The following TLN2 variants were observed in gnomAD, a reference collection of about 807,000 sequenced individuals.
The protein encoded by TLN2 is talin-2.
Under a neutral mutation model 294.7 loss-of-function variants are expected in TLN2, and 118 were observed. The observed-to-expected ratio is 0.40, with a 90% CI of 0.34 to 0.47. The LOEUF is 0.47. Ranked by LOEUF, TLN2 falls within the 20% of genes least tolerant of loss-of-function variation. The probability of loss-of-function intolerance (pLI) is 0.84; values close to 1 mark genes in which losing one functional copy is unlikely to be tolerated. For missense variants in TLN2, 3,083 were observed against 3,282.2 expected (o/e 0.94, Z 1.48); for synonymous variants, 1,431 against 1,304.5 (o/e 1.10, Z -2.09).
chr15:62,703,646 C>CAG (rs1567403721), intron 19 of TLN2, among the ~76,000 whole-genome samples: 3 of 144,884 alleles, frequency 2.1e-5, no homozygotes, highest in African/African-American at 7.7e-5. Flanking sequence ...CACACACACA[C>CAG]ACACAGAGAA....
chr15:62,486,833 A>G (rs1437369542), intron 1 of TLN2, among the ~76,000 whole-genome samples: 6 of 146,868 alleles, frequency 4.1e-5, no homozygotes, highest in Non-Finnish European at 9.0e-5. Flanking sequence ...TTTAATGTAT[A>G]TTGGATTTTC....
chr15:62,402,400 C>A (rs1027156115), intron 1 of TLN2, among the ~76,000 whole-genome samples: 1 of 152,198 alleles, frequency 6.6e-6, no homozygotes, highest in East Asian at 1.9e-4. Context: ...ACCTAGCTTT[C>A]ACCTACAAGG....
Position 62,465,648 on chromosome 15 carries a change from C to T in TLN2, c.-238+74963C>T, listed in dbSNP as rs563272783. 2.6e-5 allele frequency among the ~76,000 whole-genome samples: 4 copies of T among 152,294 alleles called. No individual in the cohort carries two copies. In the South Asian group the frequency reaches 8.3e-4, roughly 32 times the overall value. On this transcript the variant is annotated intron_variant, in intron 1 of 58. Coordinates refer to ENST00000636159, the MANE Select transcript of TLN2 (RefSeq NM_015059.3). ...CAAGGTGGTAGCACATTTTCTCTATCCATGAAACAATGGCTTTAATACTAA... is the reference window on the plus strand; with the variant it reads ...CAAGGTGGTAGCACATTTTCTCTATTCATGAAACAATGGCTTTAATACTAA...
At chr15:62,561,596 T>C (rs895613183) in intron 1 of TLN2, 1 of 152,240 alleles carries the variant, frequency 6.6e-6, no homozygotes, top group African/African-American at 2.4e-5. Flanking sequence ...CCAGTCACAA[T>C]TGCGAACATT....
At position 62,674,037 on chromosome 15, in the gene TLN2, G is replaced by A. The variant is rs1366011417; in HGVS notation, c.852+147G>A. The A allele has an allele frequency of 8.9e-6, 5 of 563,730 alleles. No individual in the cohort carries two copies. In the East Asian group the frequency reaches 1.5e-4, roughly 17 times the overall value. 34.9% of individuals were successfully genotyped at this position (563,730 alleles called of 1,614,324 possible). On this transcript the variant is annotated intron_variant, in intron 10 of 58. Transcript: ENST00000636159. Reference sequence around the variant, plus strand: ...TTAGTGACTCAAGAGTATAGAAGCTGACAGTCCTACTTTGGGCAGATTTAT... The same window carrying A: ...TTAGTGACTCAAGAGTATAGAAGCTAACAGTCCTACTTTGGGCAGATTTAT...
intron 22 of TLN2, among the ~76,000 whole-genome samples, chr15:62,713,627 T>C (rs1393043226): frequency 6.6e-6 from 1 of 152,110 alleles, no homozygotes; most frequent in East Asian, 1.9e-4. Context: ...TGCAGTGAGC[T>C]GAGATCGTGC....
At chr15:62,486,168 GA>G (rs1272787486) in intron 1 of TLN2, among the ~76,000 whole-genome samples, 1 of 152,138 alleles carries the variant, frequency 6.6e-6, no homozygotes, top group African/African-American at 2.4e-5. Flanking sequence ...AAATACTTTA[GA>G]AAGTCTTTCC....
intron 43 of TLN2, among the ~76,000 whole-genome samples, chr15:62,779,987 C>G (rs556128236): frequency 2.0e-5 from 3 of 152,304 alleles, no homozygotes; most frequent in East Asian, 3.9e-4. Flanking sequence ...CCACTTGGCC[C>G]CAATCTCATC....
chr15:62,805,534 A>G (rs113748208), intron 50 of TLN2, 66 bp from the exon 51 acceptor site: 2 of 1,470,594 alleles, frequency 1.4e-6, no homozygotes, highest in African/African-American at 1.4e-5. Flanking sequence ...GCCTGGTTGG[A>G]GAAGAATAAA....
chr15:62,404,820 C>G (rs1414261278), intron 1 of TLN2, among the ~76,000 whole-genome samples: 1 of 152,126 alleles, frequency 6.6e-6, no homozygotes, highest in Non-Finnish European at 1.5e-5. Context: ...CTCCTAGGCT[C>G]TCCCTGATGG....
At chr15:62,545,633 C>A (rs1596077460) in intron 1 of TLN2, among the ~76,000 whole-genome samples, 1 of 151,850 alleles carries the variant, frequency 6.6e-6, no homozygotes, top group Non-Finnish European at 1.5e-5. Context: ...TTTGCATATC[C>A]TTTTTATGCT....
chr15:62,496,891 A>G (rs1383213610), intron 1 of TLN2, among the ~76,000 whole-genome samples: 1 of 152,182 alleles, frequency 6.6e-6, no homozygotes, highest in Non-Finnish European at 1.5e-5. Context: ...TTCTGTAGGC[A>G]GATAGGAGTA....
intron 5 of TLN2, among the ~76,000 whole-genome samples, chr15:62,651,213 T>G (rs2052551068): frequency 6.6e-6 from 1 of 152,216 alleles, no homozygotes; most frequent in Non-Finnish European, 1.5e-5. Flanking sequence ...CAGATCATTC[T>G]CAGCCTTGCA....
intron 7 of TLN2, among the ~76,000 whole-genome samples, chr15:62,654,754 CAAAAAAAAAAA>C (rs59006343): frequency 2.7e-4 from 9 of 33,858 alleles, no homozygotes; most frequent in South Asian, 3.3e-3. Context: ...GACTCTGCCT[CAAAAAAAAAAA>C]AAAAAAAAAA....
intron 54 of TLN2, among the ~76,000 whole-genome samples, chr15:62,827,288 G>A (rs2141230430): frequency 6.6e-6 from 1 of 152,340 alleles, no homozygotes; most frequent in Middle Eastern, 3.4e-3. Flanking sequence ...TAAGGACGTT[G>A]AGGAGGAGCG....
intron 1 of TLN2, among the ~76,000 whole-genome samples, chr15:62,413,542 C>T (rs911259997): frequency 1.3e-5 from 2 of 152,200 alleles, no homozygotes; most frequent in Non-Finnish European, 2.9e-5. Context: ...CCAGATAGAG[C>T]GACCTACGGA....
chr15:62,588,155 C>T (rs746884010), intron 1 of TLN2, among the ~76,000 whole-genome samples: 10 of 152,104 alleles, frequency 6.6e-5, no homozygotes, highest in East Asian at 1.9e-4. Flanking sequence ...GCTGGGATTA[C>T]AGGCGTGAGC....
At chr15:62,473,034 C>T (rs2037572808) in intron 1 of TLN2, among the ~76,000 whole-genome samples, 1 of 152,200 alleles carries the variant, frequency 6.6e-6, no homozygotes, top group African/African-American at 2.4e-5. Context: ...AATAGGCCTG[C>T]AGGGTGTGTA....
At chr15:62,450,511 G>T (rs1288074014) in intron 1 of TLN2, among the ~76,000 whole-genome samples, 1 of 145,522 alleles carries the variant, frequency 6.9e-6, no homozygotes, top group East Asian at 2.0e-4. Flanking sequence ...GGCCCCCATC[G>T]TGTATGTATG....
Sources: allele counts gnomAD v4.1 joint callset (sites outside exome capture counted in the v4.1 genomes callset), GRCh38; gene constraint gnomAD v4.1.1; transcripts MANE v1.5; gene names NCBI Gene and HGNC (gene_info 2026-07-23, HGNC 2026-07-21).